The following CEP131 variants were observed in gnomAD, a reference collection of about 807,000 sequenced individuals.
CEP131 encodes centrosomal protein of 131 kDa.
CEP131 carries 99 observed loss-of-function variants against 136.8 expected under a neutral mutation model. The ratio of observed to expected loss-of-function variants is 0.72; its 90% CI spans 0.62 to 0.86. CEP131 has a LOEUF of 0.86. Among genes scored for constraint, CEP131 ranks in the 40% least tolerant of loss-of-function variants. The pLI is 0.00. For synonymous variants in CEP131, 646 were observed against 612.7 expected (o/e 1.05, Z -0.80); for missense variants, 1,459 against 1,463.0 (o/e 1.00, Z 0.04).
At chr17:81,200,488 C>A (rs1327598396) in intron 7 of CEP131, 42 bp from the exon 8 acceptor site, 2 of 1,443,486 alleles carry the variant, frequency 1.4e-6, no homozygotes, top group East Asian at 5.0e-5. Flanking sequence ...AGGACCAGCG[C>A]CCCGGCAGGA....
intron 21 of CEP131, 69 bp from the exon 22 acceptor site, chr17:81,191,404 G>A (rs1220883776): frequency 1.4e-6 from 2 of 1,451,064 alleles, no homozygotes; most frequent in East Asian, 2.3e-5. Context: ...CCAGCCTCAG[G>A]GGGTCCTGGG....
chr17:81,196,688 C>T lies in CEP131; in HGVS notation c.1899+13G>A. 1 of 1,599,376 alleles carries T rather than the reference C, an allele frequency of 6.3e-7. No homozygotes were observed. The highest frequency in any genetic ancestry group is 1.1e-5 in the South Asian group (1 of 89,394). Reference sequence around the variant, plus strand: ...CGCTGGGTCCGGGCCTCTGCGCTCCCCGGGCCGCTCACCTGGTCAATGAAG... The same window carrying T: ...CGCTGGGTCCGGGCCTCTGCGCTCCTCGGGCCGCTCACCTGGTCAATGAAG... On this transcript the variant is annotated intron_variant, in intron 15 of 25. Transcript: ENST00000450824.
chr17:81,201,867 G>A (rs774281350), intron 7 of CEP131, among the ~76,000 whole-genome samples: 2 of 152,160 alleles, frequency 1.3e-5, no homozygotes, highest in African/African-American at 4.8e-5. Context: ...TTTGGGAGGC[G>A]GAGGCGGGCG....
At chr17:81,199,899 G>T in intron 8 of CEP131, 64 bp from the exon 9 acceptor site, 1 of 1,545,362 alleles carries the variant, frequency 6.5e-7, no homozygotes. Flanking sequence ...ACCCAGACCA[G>T]AGGTTTCCCC....
At position 81,209,036 on chromosome 17, in the gene CEP131, G is replaced by C. The variant is rs1243194665; in HGVS notation, c.178-14C>G. Reference sequence around the variant, plus strand: ...CCCTGTGGCCTCCTGCAAAAAGGGAGAAAACAGTTAATTATGCAGCAAAGG... The same window carrying C: ...CCCTGTGGCCTCCTGCAAAAAGGGACAAAACAGTTAATTATGCAGCAAAGG... On this transcript the variant is annotated splice_polypyrimidine_tract_variant and intron_variant, in intron 2 of 25. Coordinates refer to ENST00000450824, the MANE Select transcript of CEP131 (RefSeq NM_014984.4). 6.3e-7 allele frequency: 1 copy of C among 1,583,634 alleles called. No individual in the cohort carries two copies. The highest frequency in any genetic ancestry group is 8.7e-7 in the Non-Finnish European group (1 of 1,154,224).
intron 16 of CEP131, among the ~76,000 whole-genome samples, chr17:81,195,429 G>GC (rs1598275067): frequency 6.6e-6 from 1 of 152,340 alleles, no homozygotes; most frequent in Non-Finnish European, 1.5e-5. Flanking sequence ...GGAGGCTGAG[G>GC]CCCCCAGGGA....
intron 12 of CEP131, 85 bp from the exon 13 acceptor site, chr17:81,197,973 T>C (rs1159405173): frequency 6.5e-7 from 1 of 1,537,776 alleles, no homozygotes; most frequent in Non-Finnish European, 8.7e-7. Context: ...CAGCTGAGGC[T>C]GGGCTCTGGG....
chr17:81,203,382 C>G lies in CEP131; in HGVS notation c.629+112G>C, dbSNP rs926412673. ...CCGCATGCCCTGACCAAGGTAGAACCCTGTGTGAACTGACCGCGTGCCCTG... is the reference window on the plus strand; with the variant it reads ...CCGCATGCCCTGACCAAGGTAGAACGCTGTGTGAACTGACCGCGTGCCCTG... On this transcript the variant is annotated intron_variant, in intron 6 of 25. Coordinates refer to ENST00000450824, the MANE Select transcript of CEP131 (RefSeq NM_014984.4). The surrounding 1 kb of genome is among the most constrained non-coding windows in gnomAD (Gnocchi z 4.6). 1.6e-5 allele frequency: 13 copies of G among 815,630 alleles called. No homozygotes were observed. Among genetic ancestry groups the G allele is most frequent in the African/African-American group, 1.4e-4 (8 of 59,078 alleles). 50.5% of individuals were successfully genotyped at this position (815,630 alleles called of 1,614,324 possible).
At chr17:81,200,015 G>A (rs1205093160) in intron 8 of CEP131, 180 bp from the exon 9 acceptor site, 2 of 669,992 alleles carry the variant, frequency 3.0e-6, no homozygotes, top group Non-Finnish European at 5.2e-6. Context: ...TACAGAGGAT[G>A]AGCCCTACGT....
chr17:81,202,516 G>A (rs1403626414), intron 6 of CEP131, 118 bp from the exon 7 acceptor site: 1 of 1,267,250 alleles, frequency 7.9e-7, no homozygotes, highest in East Asian at 2.5e-5. Context: ...GTGCTGGCAG[G>A]CTGGCAGCCG....
intron 2 of CEP131, among the ~76,000 whole-genome samples, chr17:81,211,331 G>C (rs1280438562): frequency 3.3e-5 from 5 of 152,198 alleles, no homozygotes; most frequent in African/African-American, 1.2e-4. Context: ...GGGCCCCATG[G>C]AGGCCTCCAT....
rs542983281 is a variant in CEP131 at position 81,220,692 on chromosome 17, G to T, written c.-17-619C>A. ...GTATTTTTAGTAGAAGTAGAAACGGGGTTTTGCCATGTTGGCCAGGCTGGT... is the reference window on the plus strand; with the variant it reads ...GTATTTTTAGTAGAAGTAGAAACGGTGTTTTGCCATGTTGGCCAGGCTGGT... On this transcript the variant is annotated intron_variant, in intron 1 of 25. Coordinates refer to ENST00000450824, the MANE Select transcript of CEP131 (RefSeq NM_014984.4). Among the ~76,000 whole-genome samples, 678 of 152,068 alleles carry T rather than the reference G, an allele frequency of 4.5e-3. 2 individuals are homozygous for T. The highest frequency in any genetic ancestry group is 0.038 in the Middle Eastern group (11 of 292).
In CEP131 at chr17:81,203,868, C is replaced by T; in HGVS notation, c.516-261G>A. On this transcript the variant is annotated intron_variant, in intron 5 of 25. Transcript: ENST00000450824. The surrounding 1 kb of genome is among the most constrained non-coding windows in gnomAD (Gnocchi z 4.6). ...ATCGAGGCATGAACGCTGGACGTGCCCAAGACGGGGGGAGCAGCTCAGGCC... is the reference window on the plus strand; with the variant it reads ...ATCGAGGCATGAACGCTGGACGTGCTCAAGACGGGGGGAGCAGCTCAGGCC... 4.4e-6 allele frequency: 2 copies of T among 456,002 alleles called. No individual in the cohort carries two copies. The highest frequency in any genetic ancestry group is 2.0e-5 in the African/African-American group (1 of 50,570). 28.2% of individuals were successfully genotyped at this position (456,002 alleles called of 1,614,324 possible).
rs747140035 is a variant in CEP131, at chr17:81,198,978, A to G, written c.1193-7T>C. Reference sequence around the variant, plus strand: ...GCAGCAGGGAGGCCACCACCTGCACAGCAGAACACAGCACCATTCCACAGG... The same window carrying G: ...GCAGCAGGGAGGCCACCACCTGCACGGCAGAACACAGCACCATTCCACAGG... On this transcript the variant is annotated splice_polypyrimidine_tract_variant and splice_region_variant and intron_variant, in intron 10 of 25. Transcript: ENST00000450824. 3 of 1,540,702 alleles carry G rather than the reference A, an allele frequency of 1.9e-6. No homozygotes were observed. Among genetic ancestry groups the G allele is most frequent in the South Asian group, 1.2e-5 (1 of 81,614 alleles).
In CEP131 at chr17:81,208,944, G is replaced by T; in HGVS notation, c.256C>A (p.Arg86=). The change falls in exon 3 of 26, where the codon CGG becomes AGG. Residue 86 remains arginine, a synonymous_variant. Coordinates refer to ENST00000450824, the MANE Select transcript of CEP131 (RefSeq NM_014984.4). This position sits in a 1 kb window ranked among gnomAD's most constrained non-coding sequence, Gnocchi z 5.6. ...SNSTTQVSQP[R]SGSPRPTEPT... ...AGGGGTTACCTGGGGGAGCCGCTCC[G>T]AGGCTGGCTGACCTGCGTGGTGCTG... 1.2e-6 allele frequency: 2 copies of T among 1,613,822 alleles called. No homozygotes were observed. Among genetic ancestry groups the T allele is most frequent in the Non-Finnish European group, 1.7e-6 (2 of 1,179,934 alleles).
chr17:81,222,406 G>A (rs1441930570), intron 1 of CEP131, among the ~76,000 whole-genome samples: 1 of 152,208 alleles, frequency 6.6e-6, no homozygotes, highest in Admixed American at 6.5e-5. Flanking sequence ...TTTCCCCAGG[G>A]CTTAAGGCAG....
In CEP131 at chr17:81,191,332, C is replaced by A. The variant is rs1055892240; in HGVS notation, c.2626G>T (p.Ala876Ser). 2 of 1,612,940 alleles carry A rather than the reference C, an allele frequency of 1.2e-6. No homozygotes were observed. Among genetic ancestry groups the A allele is most frequent in the Non-Finnish European group, 8.5e-7 (1 of 1,179,936 alleles). ...WEAGRTRKEEAWLLNREQELR... is the reference protein window; with the variant it reads ...WEAGRTRKEESWLLNREQELR... ...TCCTGTTCCCGGTTCAGCAGCCACG[C>A]CTCCTGGGGGGACATGCGCTGCCTG... Residue 876 changes from alanine to serine, a missense_variant, in exon 22 of 26, where the codon GCG (alanine) becomes TCG (serine). Physicochemically the swap from Ala to Ser is moderately conservative, Grantham distance 99. Around this residue, in one of 3 missense-constraint regions of CEP131, gnomAD observed 1,026 missense variants for 964.2 expected, o/e 1.06. Coordinates refer to ENST00000450824, the MANE Select transcript of CEP131 (RefSeq NM_014984.4).
rs570024894 is a variant in CEP131 at position 81,219,668 on chromosome 17, A to C, written c.177+212T>G. Among the ~76,000 whole-genome samples the C allele has an allele frequency of 1.3e-5, 2 of 152,154 alleles. No homozygotes were observed. Among genetic ancestry groups the C allele is most frequent in the Admixed American group, 6.6e-5 (1 of 15,266 alleles). ...CAGGAGGCCTGGGGCTGTTGCTGAA[A>C]GAATCCAAGCTCTGGCTTGACTTTC... On this transcript the variant is annotated intron_variant, in intron 2 of 25. Transcript: ENST00000450824. This position sits in a 1 kb window ranked among gnomAD's most constrained non-coding sequence, Gnocchi z 4.0.
chr17:81,205,230 G>T (rs1485366534), intron 5 of CEP131, among the ~76,000 whole-genome samples: 1 of 151,918 alleles, frequency 6.6e-6, no homozygotes, highest in Non-Finnish European at 1.5e-5. Flanking sequence ...CTGCACTCTG[G>T]CTTGGGCGAC....
Sources: allele counts gnomAD v4.1 joint callset (sites outside exome capture counted in the v4.1 genomes callset), GRCh38; gene constraint gnomAD v4.1.1; regional missense constraint gnomAD v4.1.1; non-coding constraint Gnocchi (gnomAD v3.1); transcripts MANE v1.5; gene names NCBI Gene and HGNC (gene_info 2026-07-23, HGNC 2026-07-21).